Variants in TRERF1 observed in about 807,000 individuals in gnomAD.
TRERF1 encodes the protein transcriptional-regulating factor 1.
A neutral mutation model predicts 122.9 loss-of-function variants in TRERF1; 27 were observed. The ratio of observed to expected loss-of-function variants is 0.22; its 90% confidence interval spans 0.16 to 0.30. TRERF1 has a LOEUF of 0.30. TRERF1 is among the 10% of genes least tolerant of loss of function. The probability of loss-of-function intolerance (pLI) is 1.00; values close to 1 mark genes in which losing one functional copy is unlikely to be tolerated. For missense variants in TRERF1, 1,248 were observed against 1,560.3 expected (o/e 0.80, Z 3.37); for synonymous variants, 636 against 641.7 (o/e 0.99, Z 0.13).
intron 2 of TRERF1, among the ~76,000 whole-genome samples, chr6:42,399,107 T>C (rs1779027885): frequency 6.6e-6 from 1 of 152,144 alleles, no homozygotes; most frequent in Non-Finnish European, 1.5e-5. Context: ...TGCTACATAG[T>C]CCCCAGGGTC....
intron 15 of TRERF1, 134 bp downstream of exon 15, chr6:42,243,114 A>G (rs1774049083): frequency 5.6e-6 from 4 of 715,524 alleles, no homozygotes; most frequent in Non-Finnish European, 7.4e-6. Flanking sequence ...ATCCTGCAGG[A>G]GAGCTGGGCT....
intron 2 of TRERF1, among the ~76,000 whole-genome samples, chr6:42,426,076 C>CA (rs1260010817): frequency 6.6e-6 from 1 of 152,154 alleles, no homozygotes; most frequent in African/African-American, 2.4e-5. Context: ...AGCAAGTTGG[C>CA]AAGCGGACAT....
chr6:42,292,452 T>C (rs1561926265), intron 4 of TRERF1, among the ~76,000 whole-genome samples: 1 of 152,170 alleles, frequency 6.6e-6, no homozygotes, highest in African/African-American at 2.4e-5. Flanking sequence ...ACAATGATGA[T>C]CCAGAGACAT....
chr6:42,435,428 G>T (rs1785167047), intron 2 of TRERF1, among the ~76,000 whole-genome samples: 1 of 151,926 alleles, frequency 6.6e-6, no homozygotes, highest in African/African-American at 2.4e-5. Context: ...GTGCACTCCT[G>T]TAGTGCCAGC....
intron 2 of TRERF1, among the ~76,000 whole-genome samples, chr6:42,421,815 T>A (rs1351613510): frequency 6.6e-6 from 1 of 151,774 alleles, no homozygotes; most frequent in East Asian, 1.9e-4. Flanking sequence ...ATAAATAAAA[T>A]TGCTGGTCTT....
At chr6:42,281,797 G>A (rs1782348084) in intron 4 of TRERF1, among the ~76,000 whole-genome samples, 1 of 152,216 alleles carries the variant, frequency 6.6e-6, no homozygotes, top group African/African-American at 2.4e-5. Context: ...AGGAAGAACA[G>A]CAACGATGGC....
At chr6:42,336,110 C>T (rs907516819) in intron 3 of TRERF1, among the ~76,000 whole-genome samples, 1 of 152,162 alleles carries the variant, frequency 6.6e-6, no homozygotes, top group Non-Finnish European at 1.5e-5. Flanking sequence ...ACAGCGCAGG[C>T]CTAATCCCCA....
At position 42,269,412 on chromosome 6, in the gene TRERF1, T is replaced by C; in HGVS notation, c.179A>G (p.Asp60Gly). The change falls in exon 5 of 18, where the codon GAT (aspartate) becomes GGT (glycine). Residue 60 changes from aspartate to glycine, a missense_variant. Transcript: ENST00000372922. This position sits in a 1 kb window ranked among gnomAD's most constrained non-coding sequence, Gnocchi z 4.9. ...AGGCAAGCCCAGACCATCCCGTGTA[T>C]CTTGAGGGAAGTGGGGGGAGATTGG... 6.2e-7 allele frequency: 1 copy of C among 1,614,140 alleles called. No individual in the cohort carries two copies. Among genetic ancestry groups the C allele is most frequent in the Non-Finnish European group, 8.5e-7 (1 of 1,180,016 alleles).
intron 3 of TRERF1, among the ~76,000 whole-genome samples, chr6:42,360,661 G>A (rs1374171181): frequency 2.7e-5 from 4 of 148,134 alleles, no homozygotes; most frequent in Non-Finnish European, 5.9e-5. Context: ...CTGACAAAGT[G>A]TCCAGAACTC....
At chr6:42,235,040 T>C (rs1771775405) in intron 16 of TRERF1, among the ~76,000 whole-genome samples, 1 of 152,246 alleles carries the variant, frequency 6.6e-6, no homozygotes, top group African/African-American at 2.4e-5. Flanking sequence ...CAGCAATCTC[T>C]TCTGTTCTCT....
rs112041878 is a variant in TRERF1 at position 42,431,885 on chromosome 6, C to T, written c.-454+19292G>A. On this transcript the variant is annotated intron_variant, in intron 2 of 17. Transcript: ENST00000372922. ...CCCCACCTTCATGTCCCTCCCCCTA[C>T]CCGATGAGAAAGAAAAAAAGGCCCA... Among the ~76,000 whole-genome samples the T allele has an allele frequency of 2.4e-4, 37 of 152,258 alleles. 1 individual carries two copies. Among genetic ancestry groups the T allele is most frequent in the African/African-American group, 7.9e-4 (33 of 41,548 alleles).
intron 2 of TRERF1, among the ~76,000 whole-genome samples, chr6:42,385,586 C>T (rs754391704): frequency 6.6e-6 from 1 of 152,096 alleles, no homozygotes; most frequent in East Asian, 1.9e-4. Flanking sequence ...ACCTGGACCC[C>T]GAAACCTATC....
chr6:42,233,169 C>T (rs562187112), intron 16 of TRERF1, among the ~76,000 whole-genome samples: 1 of 152,110 alleles, frequency 6.6e-6, no homozygotes, highest in South Asian at 2.1e-4. Flanking sequence ...GAAGTCAAGA[C>T]GTCAGGGGTT....
rs1209708660 is a variant in TRERF1, at chr6:42,241,319, T to C, written c.2859+1929A>G. 2.0e-5 allele frequency among the ~76,000 whole-genome samples: 3 copies of C among 152,324 alleles called. No homozygotes were observed. The South Asian group carries it at 6.2e-4, about 32-fold the overall frequency. On this transcript the variant is annotated intron_variant, in intron 15 of 17. Transcript: ENST00000372922. ...AATGTAGAATACTGCCATCTCTGAT[T>C]GAAAAAAATAGCAATACCATTCTAT...
intron 4 of TRERF1, among the ~76,000 whole-genome samples, chr6:42,283,561 G>A (rs933698618): frequency 1.4e-5 from 2 of 147,314 alleles, no homozygotes; most frequent in Non-Finnish European, 3.0e-5. Flanking sequence ...TGAACCATGT[G>A]AATACATTAC....
chr6:42,361,467 G>A (rs1394136053), intron 3 of TRERF1, among the ~76,000 whole-genome samples: 1 of 152,020 alleles, frequency 6.6e-6, no homozygotes, highest in Non-Finnish European at 1.5e-5. Context: ...CAAATGTTTT[G>A]TGTTGTTTTT....
At position 42,268,052 on chromosome 6, in the gene TRERF1, C is replaced by T; in HGVS notation, c.1437+102G>A. On this transcript the variant is annotated intron_variant, in intron 5 of 17. Transcript: ENST00000372922. This position sits in a 1 kb window ranked among gnomAD's most constrained non-coding sequence, Gnocchi z 4.4. ...TAATGTTTGTGGAATTAGTAAAGAA[C>T]AAAAGGGTTGAGGGGGCTTGGAGAG... 3.8e-6 allele frequency: 5 copies of T among 1,316,936 alleles called. No individual in the cohort carries two copies. The South Asian group carries it at 8.5e-5, about 22-fold the overall frequency. 81.6% of individuals were successfully genotyped at this position (1,316,936 alleles called of 1,614,324 possible).
At chr6:42,425,317 A>C (rs913686491) in intron 2 of TRERF1, among the ~76,000 whole-genome samples, 1 of 151,830 alleles carries the variant, frequency 6.6e-6, no homozygotes, top group Non-Finnish European at 1.5e-5. Flanking sequence ...TATTCATCTG[A>C]CCCTCACAAC....
At chr6:42,368,195 C>T (rs1773112041) in intron 2 of TRERF1, among the ~76,000 whole-genome samples, 1 of 152,084 alleles carries the variant, frequency 6.6e-6, no homozygotes, top group Non-Finnish European at 1.5e-5. Context: ...AGTAAATACT[C>T]GGTAGATTAA....
Sources: allele counts gnomAD v4.1 joint callset (sites outside exome capture counted in the v4.1 genomes callset), GRCh38; gene constraint gnomAD v4.1.1; non-coding constraint Gnocchi (gnomAD v3.1); transcripts MANE v1.5; gene names NCBI Gene and HGNC (gene_info 2026-07-23, HGNC 2026-07-21).